Variants in SELENOF observed in about 807,000 individuals in gnomAD.
The protein encoded by SELENOF is 15 kDa selenoprotein.
In SELENOF, 16 loss-of-function variants were observed where a neutral mutation model predicts 20.5. The observed-to-expected ratio is 0.78, with a 90% CI of 0.53 to 1.19. The LOEUF is 1.19. Ranked by LOEUF, SELENOF falls within the 50% of genes most tolerant of loss-of-function variation. The pLI, the probability that SELENOF is intolerant of heterozygous loss-of-function variation, is 0.00. For missense variants in SELENOF, 215 were observed against 194.2 expected (o/e 1.11, Z -0.64); for synonymous variants, 78 against 74.5 (o/e 1.05, Z -0.24).
chr1:86,869,820 G>A (rs1052558277), intron 3 of SELENOF, among the ~76,000 whole-genome samples: 4 of 151,838 alleles, frequency 2.6e-5, no homozygotes, highest in African/African-American at 9.7e-5. Context: ...TCTTGCCCAG[G>A]CTGGAGTGCA....
At chr1:86,910,876 T>C (rs1659963356) in intron 1 of SELENOF, among the ~76,000 whole-genome samples, 1 of 152,202 alleles carries the variant, frequency 6.6e-6, no homozygotes, top group Non-Finnish European at 1.5e-5. Context: ...TCACTGATAA[T>C]AGAGCTCTAT....
chr1:86,914,232 G>T, upstream of SELENOF: 1 of 836,548 alleles, frequency 1.2e-6, no homozygotes, highest in Non-Finnish European at 2.0e-6. Flanking sequence ...GAAGTGACAG[G>T]TATTAAATAA....
chr1:86,880,676 A>T lies in SELENOF; in HGVS notation c.302T>A (p.Phe101Tyr). Residue 101 changes from phenylalanine to tyrosine, a missense_variant, in exon 3 of 5, where the codon TTC becomes TAC. Transcript: ENST00000331835. ...LEVCGUKLGR[F>Y]PQVQAFVRSD... ...ATTTTATATACCTTGGACTTGAGGG[A>T]ACCTTCCCAATTTTCATCCACAAAC... 6.3e-7 allele frequency: 1 copy of T among 1,591,748 alleles called. No individual in the cohort carries two copies. Among genetic ancestry groups the T allele is most frequent in the South Asian group, 1.1e-5 (1 of 87,070 alleles).
At chr1:86,872,765 C>T (rs1413642615) in intron 3 of SELENOF, among the ~76,000 whole-genome samples, 4 of 152,046 alleles carry the variant, frequency 2.6e-5, no homozygotes, top group African/African-American at 7.2e-5. Context: ...GGCACGGGCC[C>T]GGCGTGGTAG....
chr1:86,902,730 A>C (rs774680287), intron 2 of SELENOF, among the ~76,000 whole-genome samples: 1 of 152,250 alleles, frequency 6.6e-6, no homozygotes, highest in Non-Finnish European at 1.5e-5. Context: ...GTTTTAAAAC[A>C]TAGTAGGTTT....
chr1:86,865,212 C>CCAAA lies in SELENOF; in HGVS notation c.367-1611_367-1608dup, dbSNP rs140998471. ...CAAAGAACTCTTAAAGCTCAGCTTA[C>CCAAA]CAAACAAACAAACAAACAAACAAAC... On this transcript the variant is annotated intron_variant, in intron 4 of 4. Transcript: ENST00000331835. Among the ~76,000 whole-genome samples, 1,331 of 151,328 alleles carry CCAAA rather than the reference C, an allele frequency of 8.8e-3. 13 individuals carry two copies. Among genetic ancestry groups the CCAAA allele is most frequent in the Admixed American group, 0.014 (216 of 15,206 alleles).
At chr1:86,866,105 C>T (rs1281242688) in intron 4 of SELENOF, among the ~76,000 whole-genome samples, 7 of 140,132 alleles carry the variant, frequency 5.0e-5, no homozygotes, top group Admixed American at 2.3e-4. Context: ...GCTGAGGTGG[C>T]GGGATTGCTT....
At chr1:86,880,882 A>G (rs902080392) in intron 2 of SELENOF, among the ~76,000 whole-genome samples, 157 bp from the exon 3 acceptor site, 2 of 152,246 alleles carry the variant, frequency 1.3e-5, no homozygotes, top group Non-Finnish European at 2.9e-5. Context: ...ATGTAGTTCC[A>G]GTCTAATGGA....
upstream of SELENOF, chr1:86,914,347 CCTTT>C (rs1660082948): frequency 7.1e-6 from 4 of 565,430 alleles, no homozygotes; most frequent in Admixed American, 6.1e-5. Flanking sequence ...TCTGCGGTCT[CCTTT>C]CTTTTATTCA....
chr1:86,887,742 T>G (rs973146549), intron 2 of SELENOF, among the ~76,000 whole-genome samples: 36 of 152,266 alleles, frequency 2.4e-4, no homozygotes, highest in African/African-American at 8.2e-4. Flanking sequence ...GGGGTAAGAC[T>G]GTAATGATGA....
At chr1:86,880,492 CA>C (rs1368818882) in intron 3 of SELENOF, among the ~76,000 whole-genome samples, 169 bp downstream of exon 3, 1 of 151,202 alleles carries the variant, frequency 6.6e-6, no homozygotes, top group Non-Finnish European at 1.5e-5. Flanking sequence ...TAGCATTCAC[CA>C]ATTACTTTAA....
At chr1:86,872,136 A>T (rs1252990077) in intron 3 of SELENOF, among the ~76,000 whole-genome samples, 1 of 152,174 alleles carries the variant, frequency 6.6e-6, no homozygotes, top group Non-Finnish European at 1.5e-5. Flanking sequence ...TGAAAAACAA[A>T]TCTATTCAAA....
At chr1:86,911,126 G>C (rs1489896865) in intron 1 of SELENOF, among the ~76,000 whole-genome samples, 2 of 152,194 alleles carry the variant, frequency 1.3e-5, no homozygotes, top group Non-Finnish European at 2.9e-5. Flanking sequence ...GAAAACTATG[G>C]AACGTATCTC....
intron 4 of SELENOF, among the ~76,000 whole-genome samples, chr1:86,864,820 G>C (rs887607091): frequency 4.0e-5 from 6 of 151,880 alleles, no homozygotes; most frequent in Admixed American, 3.9e-4. Context: ...TTTTAGTAGA[G>C]ATGGGGTTTC....
intron 4 of SELENOF, among the ~76,000 whole-genome samples, chr1:86,865,160 T>G (rs1157730984): frequency 1.3e-5 from 2 of 152,046 alleles, no homozygotes; most frequent in African/African-American, 2.4e-5. Flanking sequence ...AACACCTATC[T>G]GATAAAGAAC....
intron 1 of SELENOF, 35 bp from the exon 2 acceptor site, chr1:86,903,483 C>T (rs1659755760): frequency 6.6e-6 from 10 of 1,526,518 alleles, no homozygotes; most frequent in South Asian, 1.3e-5. Flanking sequence ...AACACAATTC[C>T]ATATTTATAC....
At chr1:86,867,780 TACA>T (rs1463632311) in intron 4 of SELENOF, among the ~76,000 whole-genome samples, 1 of 108,820 alleles carries the variant, frequency 9.2e-6, no homozygotes, top group Non-Finnish European at 1.7e-5. Flanking sequence ...TGCAAGATGT[TACA>T]ACAGGAAAAC....
At chr1:86,899,397 G>T (rs539390992) in intron 2 of SELENOF, among the ~76,000 whole-genome samples, 3 of 128,308 alleles carry the variant, frequency 2.3e-5, no homozygotes, top group Non-Finnish European at 4.9e-5. Flanking sequence ...CGGACGGGAC[G>T]GCTGGCCGGG....
At chr1:86,914,297 C>T, upstream of SELENOF, 1 of 609,766 alleles carries the variant, frequency 1.6e-6, no homozygotes. Flanking sequence ...CTTTCGATTA[C>T]CCAAATCAGG....
Sources: allele counts gnomAD v4.1 joint callset (sites outside exome capture counted in the v4.1 genomes callset), GRCh38; gene constraint gnomAD v4.1.1; transcripts MANE v1.5; gene names NCBI Gene and HGNC (gene_info 2026-07-23, HGNC 2026-07-21).